PLCH2: variants seen among roughly 807,000 people sequenced by gnomAD.
The protein encoded by PLCH2 is phospholipase C eta 2, also known as 1-phosphatidylinositol 4,5-bisphosphate phosphodiesterase eta-2.
A neutral mutation model predicts 134.7 loss-of-function variants in PLCH2; 98 were observed. That is an observed-to-expected ratio of 0.73 (90% CI 0.62 to 0.86). The LOEUF (loss-of-function observed/expected upper bound fraction) is 0.86. Among genes scored for constraint, PLCH2 ranks in the 40% least tolerant of loss-of-function variants. The pLI is 0.00. For synonymous variants in PLCH2, 974 were observed against 827.5 expected, an observed-to-expected ratio of 1.18 and a Z score of -3.04; for missense variants, 1,994 against 1,986.6, an observed-to-expected ratio of 1.00 and a Z score of -0.07.
chr1:2,452,249 G>A lies in PLCH2; in HGVS notation c.115+21620G>A, dbSNP rs372791805. Among the ~76,000 whole-genome samples, 25 of 152,332 alleles carry A rather than the reference G, an allele frequency of 1.6e-4. No individual in the cohort carries two copies. In the East Asian group the frequency reaches 1.9e-3, roughly 12 times the overall value. ...ATGCTGGAGCTTCAGGGAGCAATCC[G>A]GAGGTTCTCCAGAAGCCGCTGAGGC... On this transcript the variant is annotated intron_variant, in intron 2 of 3. Coordinates refer to the PLCH2 transcript ENST00000609981.
chr1:2,453,362 G>T (rs1329351762), intron 2 of PLCH2, among the ~76,000 whole-genome samples: 2 of 152,218 alleles, frequency 1.3e-5, no homozygotes, highest in African/African-American at 2.4e-5. Flanking sequence ...CAAAGATGAG[G>T]ACATTGAAGC....
At chr1:2,503,359 G>T (rs1643343909) in intron 21 of PLCH2, 1 of 585,496 alleles carries the variant, frequency 1.7e-6, no homozygotes, top group African/African-American at 1.9e-5. Flanking sequence ...TCCCTACTGG[G>T]AAGTCTGATG....
Position 2,456,574 on chromosome 1 carries a change from G to A in PLCH2, c.116-21902G>A, listed in dbSNP as rs552524472. ...CTCGTCCTGTGCAGCCCCCGCCCCC[G>A]GCAGACCCGTCGACCCCTTGGGGTT... On this transcript the variant is annotated intron_variant, in intron 2 of 3. Transcript: ENST00000609981. 9.4e-4 allele frequency among the ~76,000 whole-genome samples: 143 copies of A among 152,344 alleles called. 1 individual carries two copies. Among genetic ancestry groups the A allele is most frequent in the African/African-American group, 3.2e-3 (134 of 41,588 alleles).
chr1:2,465,769 CG>C (rs1557977526), upstream of PLCH2, among the ~76,000 whole-genome samples: 1 of 152,032 alleles, frequency 6.6e-6, no homozygotes, highest in African/African-American at 2.4e-5. Flanking sequence ...GAGTGGCGGG[CG>C]GGGCTGGCCC....
rs1639918068 is a variant in PLCH2, at chr1:2,445,850, C to T, written c.115+15221C>T. Among the ~76,000 whole-genome samples the T allele has an allele frequency of 2.6e-5, 4 of 152,234 alleles. No individual in the cohort carries two copies. The South Asian group carries it at 8.3e-4, about 31-fold the overall frequency. ...GTAATTGGATTTTAATTTTTAATGT[C>T]CACAACACATGAAGAGCTTCGGACC... On this transcript the variant is annotated intron_variant, in intron 2 of 3. Coordinates refer to the PLCH2 transcript ENST00000609981.
intron 2 of PLCH2, among the ~76,000 whole-genome samples, chr1:2,433,094 C>G (rs562547996): frequency 6.6e-5 from 10 of 152,226 alleles, no homozygotes; most frequent in African/African-American, 2.4e-4. Flanking sequence ...CCCCACTGAA[C>G]TCAGAGGTGG....
rs1639442722 is a variant in PLCH2, at chr1:2,436,723, AG to A, written c.115+6096del. 2.0e-5 allele frequency among the ~76,000 whole-genome samples: 3 copies of A among 152,324 alleles called. No individual in the cohort carries two copies. The East Asian group carries it at 5.8e-4, about 30-fold the overall frequency. ...TGCTGGCAGGCATGGCCTGAGGGTC[AG>A]GCTAGTCCCTTCTCCTAGTGTCCTG... On this transcript the variant is annotated intron_variant, in intron 2 of 3. Transcript: ENST00000609981.
chr1:2,417,752 G>A, the PLCH2 span, among the ~76,000 whole-genome samples: 1 of 152,330 alleles, frequency 6.6e-6, no homozygotes, highest in East Asian at 1.9e-4. Flanking sequence ...CCTCCCCTAA[G>A]GCAGAGTCAG....
the PLCH2 span, among the ~76,000 whole-genome samples, chr1:2,418,272 A>G: frequency 6.6e-6 from 1 of 152,262 alleles, no homozygotes; most frequent in Non-Finnish European, 1.5e-5. Flanking sequence ...GCCGACAGTG[A>G]CAGCGTCCAG....
At chr1:2,497,816 G>C (rs374841534) in intron 16 of PLCH2, 27 of 530,160 alleles carry the variant, frequency 5.1e-5, no homozygotes, top group African/African-American at 4.0e-4. Context: ...TTGCAAAGAA[G>C]GGCCCAGCTC....
intron 4 of PLCH2, among the ~76,000 whole-genome samples, chr1:2,482,358 T>A (rs1283642496): frequency 6.6e-6 from 1 of 152,192 alleles, no homozygotes; most frequent in Non-Finnish European, 1.5e-5. Flanking sequence ...GCCCAGGCTC[T>A]GTCCCATGGG....
rs971560428 is a variant in PLCH2 at position 2,444,202 on chromosome 1, T to G, written c.115+13573T>G. Among the ~76,000 whole-genome samples, 1 of 151,954 alleles carries G rather than the reference T, an allele frequency of 6.6e-6. No individual in the cohort carries two copies. The highest frequency in any genetic ancestry group is 1.5e-5 in the Non-Finnish European group (1 of 67,970). ...GGCCTCAGGTGCGGGGTGAGGGATC[T>G]GGGGGCCGCCCCTCGGCAAACTTTC... On this transcript the variant is annotated intron_variant, in intron 2 of 3. Coordinates refer to the PLCH2 transcript ENST00000609981. The surrounding 1 kb of genome is among the most constrained non-coding windows in gnomAD (Gnocchi z 4.6).
In PLCH2 at chr1:2,437,099, T is replaced by A. The variant is rs1639458474; in HGVS notation, c.115+6470T>A. ...CTTCTGTGGGGCAGGGCAGCCCCCA[T>A]GGGTCAGGTGCTCAGTGTTGCCCTG... is the stretch of plus-strand genomic sequence containing the variant. On this transcript the variant is annotated intron_variant, in intron 2 of 3. Coordinates refer to the PLCH2 transcript ENST00000609981. Among the ~76,000 whole-genome samples, 3 of 152,190 alleles carry A rather than the reference T, an allele frequency of 2.0e-5. No homozygotes were observed. In the South Asian group the frequency reaches 6.2e-4, roughly 31 times the overall value.
chr1:2,481,556 C>T (rs1641970491), intron 4 of PLCH2, among the ~76,000 whole-genome samples: 1 of 152,248 alleles, frequency 6.6e-6, no homozygotes, highest in South Asian at 2.1e-4. Context: ...ACAGATGCCC[C>T]TCACTGAATC....
At chr1:2,475,511 G>A (rs747643152), upstream of PLCH2, among the ~76,000 whole-genome samples, 3 of 152,326 alleles carry the variant, frequency 2.0e-5, no homozygotes, top group Non-Finnish European at 2.9e-5. Context: ...CCTGTAGTGC[G>A]GGGCCAGTAC....
intron 2 of PLCH2, among the ~76,000 whole-genome samples, chr1:2,434,724 T>C (rs1639242678): frequency 6.6e-6 from 1 of 152,020 alleles, no homozygotes; most frequent in Non-Finnish European, 1.5e-5. Context: ...GCACTAAAAG[T>C]GGGGAGAGCC....
chr1:2,498,089 CAG>C lies in PLCH2; in HGVS notation c.2225-433_2225-432del, dbSNP rs1269051673. On this transcript the variant is annotated intron_variant, in intron 16 of 21. Transcript: ENST00000378486. This position sits in a 1 kb window ranked among gnomAD's most constrained non-coding sequence, Gnocchi z 5.4. ...AGTATCACCATGGGAGAGGGCAGGA[CAG>C]GGGCTGGGCGAGCAGGCCTCCCACT... 7 of 243,734 alleles carry C rather than the reference CAG, an allele frequency of 2.9e-5. No individual in the cohort carries two copies. The highest frequency in any genetic ancestry group is 1.0e-4 in the Admixed American group (2 of 19,806). The allele number at this position is 243,734 out of a possible 1,614,324, so 15.1% of individuals were successfully genotyped here. A position where few individuals can be genotyped will look rare whatever the true frequency, so the allele number is the denominator to read the frequency against.
At chr1:2,421,840 G>T (rs184630673), upstream of PLCH2, among the ~76,000 whole-genome samples, 1 of 151,882 alleles carries the variant, frequency 6.6e-6, no homozygotes, top group African/African-American at 2.4e-5. Context: ...TGGGCGTGGT[G>T]GCGCATGCCT....
chr1:2,436,249 T>A (rs1570241041), intron 2 of PLCH2, among the ~76,000 whole-genome samples: 1 of 81,528 alleles, frequency 1.2e-5, no homozygotes, highest in Non-Finnish European at 2.4e-5. Flanking sequence ...TCCTCCCTCC[T>A]CCCCTCCTCC....
Sources: allele counts gnomAD v4.1 joint callset (sites outside exome capture counted in the v4.1 genomes callset), GRCh38; gene constraint gnomAD v4.1.1; non-coding constraint Gnocchi (gnomAD v3.1); transcripts MANE v1.5; gene names NCBI Gene and HGNC (gene_info 2026-07-23, HGNC 2026-07-21).